Variants in THRA observed in about 807,000 individuals in gnomAD.
THRA encodes the protein EAR-7.
Under a neutral mutation model 45.0 loss-of-function variants are expected in THRA, and 13 were observed. The ratio of observed to expected loss-of-function variants is 0.29; its 90% CI spans 0.19 to 0.46. THRA has a LOEUF of 0.46. Among genes scored for constraint, THRA ranks in the 20% least tolerant of loss-of-function variants. THRA has a pLI of 1.00. For missense variants in THRA, 278 were observed against 556.1 expected (o/e 0.50, Z 5.03); for synonymous variants, 195 against 214.0 (o/e 0.91, Z 0.78).
chr17:40,072,884 T>G (rs567544094), intron 1 of THRA, among the ~76,000 whole-genome samples: 1 of 152,296 alleles, frequency 6.6e-6, no homozygotes, highest in African/African-American at 2.4e-5. Flanking sequence ...TAAGGCTCCC[T>G]GCTCATGCCC....
rs1987468052 is a variant in THRA at position 40,089,815 on chromosome 17, C to T, written c.*359C>T. The T allele has an allele frequency of 8.8e-7, 1 of 1,132,202 alleles. No homozygotes were observed. The highest frequency in any genetic ancestry group is 1.1e-6 in the Non-Finnish European group (1 of 916,818). 70.1% of individuals were successfully genotyped at this position (1,132,202 alleles called of 1,614,324 possible). A position where few individuals can be genotyped will look rare whatever the true frequency, so the allele number is the denominator to read the frequency against. On this transcript the variant is annotated 3_prime_UTR_variant, in exon 9 of 9. Transcript: ENST00000450525. This position sits in a 1 kb window ranked among gnomAD's most constrained non-coding sequence, Gnocchi z 6.1. ...GAGGAATGTGGGCTGGGGGAAGATG[C>T]CCTCAACTCACCCCCTACACACACA...
chr17:40,088,226 C>T lies in THRA; in HGVS notation c.724-16C>T. On this transcript the variant is annotated splice_polypyrimidine_tract_variant and intron_variant, in intron 7 of 8. Coordinates refer to ENST00000450525, the MANE Select transcript of THRA (RefSeq NM_199334.5). ...AGGGGTATGCTGAGTGCTCCTGTGG[C>T]CCTGCCGCTCCACAGCTGCCTTGCG... The T allele has an allele frequency of 1.3e-6, 2 of 1,570,044 alleles. No homozygotes were observed. Among genetic ancestry groups the T allele is most frequent in the Middle Eastern group, 1.7e-4 (1 of 5,856 alleles).
chr17:40,076,642 G>A (rs964013709), intron 2 of THRA, among the ~76,000 whole-genome samples: 3 of 152,072 alleles, frequency 2.0e-5, no homozygotes, highest in Non-Finnish European at 4.4e-5. Context: ...GTGTGTGTTG[G>A]GGCTCTAGAA....
chr17:40,080,095 AAC>A (rs1987085288), intron 4 of THRA, among the ~76,000 whole-genome samples: 1 of 151,800 alleles, frequency 6.6e-6, no homozygotes, highest in Admixed American at 6.6e-5. Context: ...AAAAAAAAGA[AAC>A]AGAATGATTT....
At chr17:40,068,538 G>A (rs1050372469) in intron 1 of THRA, among the ~76,000 whole-genome samples, 5 of 152,252 alleles carry the variant, frequency 3.3e-5, no homozygotes, top group African/African-American at 9.6e-5. Flanking sequence ...ATGCCATTGC[G>A]TGAGGTGGTC....
chr17:40,068,410 GAC>G (rs1469031148), intron 1 of THRA, among the ~76,000 whole-genome samples: 1 of 152,264 alleles, frequency 6.6e-6, no homozygotes, highest in East Asian at 1.9e-4. Context: ...TGGAACCAGA[GAC>G]AGTTCTCAGT....
chr17:40,086,894 A>T, intron 7 of THRA, 41 bp downstream of exon 7: 3 of 1,610,136 alleles, frequency 1.9e-6, no homozygotes, highest in Non-Finnish European at 2.5e-6. Context: ...GCTGTGCTGG[A>T]GGGAAACCTG....
At chr17:40,074,619 C>T in intron 2 of THRA, 78 bp downstream of exon 2, 1 of 1,514,624 alleles carries the variant, frequency 6.6e-7, no homozygotes, top group Admixed American at 1.7e-5. Flanking sequence ...CCTTTAGGCA[C>T]CGCCTTTAAG....
intron 1 of THRA, among the ~76,000 whole-genome samples, chr17:40,066,959 ATGTGAGCGGT>A (rs561204149): frequency 1.4e-3 from 206 of 152,306 alleles, no homozygotes; most frequent in African/African-American, 4.8e-3. Flanking sequence ...CAAACTGTAT[ATGTGAGCGGT>A]TGTGATGGGT....
Position 40,092,614 on chromosome 17 carries a change from T to A in THRA, c.*3158T>A, listed in dbSNP as rs1429613060. ...TTACTATATATTTATGTAATAAATA[T>A]ATGATGAAAATAACCCCCTTGGGCA... On this transcript the variant is annotated 3_prime_UTR_variant, in exon 9 of 9. Transcript: ENST00000450525. The A allele has an allele frequency of 6.0e-6, 1 of 167,492 alleles. No homozygotes were observed. Among genetic ancestry groups the A allele is most frequent in the African/African-American group, 2.4e-5 (1 of 41,770 alleles). The allele number at this position is 167,492 out of a possible 1,614,324, so 10.4% of individuals were successfully genotyped here.
rs950849781 is a variant in THRA at position 40,089,466 on chromosome 17, C to T, written c.*10C>T. 7 of 1,613,428 alleles carry T rather than the reference C, an allele frequency of 4.3e-6. No individual in the cohort carries two copies. Among genetic ancestry groups the T allele is most frequent in the Admixed American group, 1.7e-5 (1 of 59,982 alleles). ...GGATCAGGAAGTCTAAAGCCTCAGG[C>T]GGCCAGAGGGTGTGCGGAGCTGGTG... On this transcript the variant is annotated 3_prime_UTR_variant, in exon 9 of 9. Coordinates refer to ENST00000450525, the MANE Select transcript of THRA (RefSeq NM_199334.5). This position sits in a 1 kb window ranked among gnomAD's most constrained non-coding sequence, Gnocchi z 6.1.
chr17:40,063,402 G>C (rs1986431714), intron 1 of THRA, among the ~76,000 whole-genome samples: 2 of 152,244 alleles, frequency 1.3e-5, no homozygotes, highest in South Asian at 2.1e-4. Flanking sequence ...GCGCATTCCC[G>C]GGCCGGGCCC....
downstream of THRA, chr17:40,093,510 G>C: frequency 7.2e-7 from 1 of 1,383,394 alleles, no homozygotes; most frequent in East Asian, 2.5e-5. This position sits in a 1 kb window ranked among gnomAD's most constrained non-coding sequence, Gnocchi z 5.9. Flanking sequence ...CTCCCATCCC[G>C]TAAGACCACC....
chr17:40,088,361 T>C lies in THRA; in HGVS notation c.843T>C (p.Ala281=). The change falls in exon 8 of 9, where the codon GCT becomes GCC. Residue 281 remains alanine (A), a synonymous_variant. Coordinates refer to ENST00000450525, the MANE Select transcript of THRA (RefSeq NM_199334.5). ...SDTLTLSGEM[A]VKREQLKNGG... ...CCCTGACGCTGAGTGGGGAGATGGC[T>C]GTCAAGCGGGAGCAGCTCAAGAATG... is the stretch of plus-strand genomic sequence containing the variant. 1 of 1,614,146 alleles carries C rather than the reference T, an allele frequency of 6.2e-7. No individual in the cohort carries two copies. The highest frequency in any genetic ancestry group is 1.1e-5 in the South Asian group (1 of 91,086).
Position 40,090,776 on chromosome 17 carries a change from G to A in THRA, c.*1320G>A, listed in dbSNP as rs1317856131. 1 of 152,234 alleles carries A rather than the reference G, an allele frequency of 6.6e-6. No homozygotes were observed. Among genetic ancestry groups the A allele is most frequent in the Admixed American group, 6.6e-5 (1 of 15,264 alleles). 9.4% of individuals were successfully genotyped at this position (152,234 alleles called of 1,614,324 possible). On this transcript the variant is annotated 3_prime_UTR_variant, in exon 9 of 9. Transcript: ENST00000450525. ...TGGGGCCCCAGGGGAGGGGTGGTCG[G>A]TGCTCCTTTTTCTTTAAAGCTCTTT...
At chr17:40,083,092 A>AT (rs1987204016) in intron 4 of THRA, among the ~76,000 whole-genome samples, 4 of 151,044 alleles carry the variant, frequency 2.6e-5, no homozygotes, top group South Asian at 2.1e-4. Context: ...ATGCCCGGCT[A>AT]TTTTTTTTGT....
chr17:40,071,193 T>G (rs1986762680), intron 1 of THRA, among the ~76,000 whole-genome samples: 1 of 152,114 alleles, frequency 6.6e-6, no homozygotes, highest in African/African-American at 2.4e-5. Flanking sequence ...TTCAGAGCAC[T>G]AAGGACAAAG....
intron 1 of THRA, among the ~76,000 whole-genome samples, chr17:40,065,944 G>A (rs980932584): frequency 1.3e-5 from 2 of 152,372 alleles, no homozygotes; most frequent in East Asian, 3.9e-4. Context: ...CGCCCCCATG[G>A]GCAGTGGCGG....
rs188453876 is a variant in THRA, at chr17:40,070,640, C to T, written c.-297-3552C>T. ...CCCTCAGCATCGCCCTTCCTGGCTCCCATGGTGGGAGGCTGGGTGATCAGG... is the reference window on the plus strand; with the variant it reads ...CCCTCAGCATCGCCCTTCCTGGCTCTCATGGTGGGAGGCTGGGTGATCAGG... On this transcript the variant is annotated intron_variant, in intron 1 of 8. Coordinates refer to ENST00000450525, the MANE Select transcript of THRA (RefSeq NM_199334.5). 2.8e-3 allele frequency among the ~76,000 whole-genome samples: 426 copies of T among 152,256 alleles called. 1 individual carries two copies. The Middle Eastern group carries it at 0.058, about 21-fold the overall frequency.
Sources: gnomAD v4.1 joint callset for allele counts (sites outside exome capture counted in the v4.1 genomes callset) on GRCh38, gnomAD v4.1.1 for gene constraint, Gnocchi (gnomAD v3.1) non-coding constraint, MANE v1.5 for transcripts, NCBI Gene and HGNC (gene_info 2026-07-23, HGNC 2026-07-21) for gene names.